RNF6: variants seen among roughly 807,000 people sequenced by gnomAD.
The protein encoded by RNF6 is ring finger protein 6, also known as E3 ubiquitin-protein ligase RNF6.
A neutral mutation model predicts 50.1 loss-of-function variants in RNF6; 21 were observed. The ratio of observed to expected loss-of-function variants is 0.42; its 90% CI spans 0.30 to 0.60. RNF6 has a LOEUF of 0.60. RNF6 is among the 20% of genes least tolerant of loss of function. The probability of loss-of-function intolerance (pLI) is 0.20; values close to 1 mark genes in which losing one functional copy is unlikely to be tolerated. For synonymous variants in RNF6, 255 were observed against 291.8 expected, an observed-to-expected ratio of 0.87 and a Z score of 1.29; for missense variants, 698 against 838.2, an observed-to-expected ratio of 0.83 and a Z score of 2.07.
At chr13:26,200,557 C>T (rs1327079673) in intron 5 of RNF6, among the ~76,000 whole-genome samples, 1 of 152,046 alleles carries the variant, frequency 6.6e-6, no homozygotes, top group Non-Finnish European at 1.5e-5. Flanking sequence ...AGGTGCCCAC[C>T]ACCACACCAG....
downstream of RNF6, among the ~76,000 whole-genome samples, chr13:26,208,273 C>CT (rs1278875694): frequency 7.2e-5 from 11 of 152,174 alleles, no homozygotes; most frequent in Non-Finnish European, 7.3e-5. Context: ...ACGCTGAACA[C>CT]TTGCTTTCCT....
chr13:26,200,895 A>C (rs7338440), intron 5 of RNF6, among the ~76,000 whole-genome samples: 44,473 of 152,124 alleles, frequency 0.29, 6,773 homozygotes, highest in Middle Eastern at 0.36. Context: ...GAGTTCAGCA[A>C]GACTCAAAGT....
chr13:26,195,476 T>C (rs937628311), intron 5 of RNF6, among the ~76,000 whole-genome samples: 5 of 151,980 alleles, frequency 3.3e-5, no homozygotes, highest in African/African-American at 1.2e-4. Context: ...AAGAAATATT[T>C]GAAACAATAA....
At chr13:26,140,049 CA>C (rs1870857333) in intron 5 of RNF6, among the ~76,000 whole-genome samples, 1 of 152,110 alleles carries the variant, frequency 6.6e-6, no homozygotes, top group Admixed American at 6.6e-5. Flanking sequence ...ACTGACTTTG[CA>C]AAATATGTCT....
At chr13:26,150,509 T>C (rs1435847216) in intron 5 of RNF6, among the ~76,000 whole-genome samples, 1 of 152,116 alleles carries the variant, frequency 6.6e-6, no homozygotes, top group Non-Finnish European at 1.5e-5. Flanking sequence ...GCAGCACAAT[T>C]TGTGTGTGCA....
intron 5 of RNF6, among the ~76,000 whole-genome samples, chr13:26,154,401 G>T (rs1566411626): frequency 6.6e-6 from 1 of 152,344 alleles, no homozygotes; most frequent in South Asian, 2.1e-4. Context: ...CAGGAACTAA[G>T]TAGTATGTGT....
intron 5 of RNF6, among the ~76,000 whole-genome samples, chr13:26,196,084 A>G (rs548654392): frequency 2.6e-5 from 4 of 152,234 alleles, no homozygotes; most frequent in Non-Finnish European, 4.4e-5. Context: ...AAACTTACAG[A>G]TCCCAAAAGT....
intron 5 of RNF6, among the ~76,000 whole-genome samples, chr13:26,181,537 G>T (rs867606592): frequency 2.0e-5 from 3 of 152,172 alleles, no homozygotes; most frequent in Non-Finnish European, 2.9e-5. Context: ...AAATGTCCAC[G>T]TCCAGTCTCA....
intron 5 of RNF6, among the ~76,000 whole-genome samples, chr13:26,137,293 T>C (rs1395735280): frequency 6.6e-6 from 1 of 151,918 alleles, no homozygotes. Context: ...AAATAATAGA[T>C]TAACTAAAGA....
intron 3 of RNF6, among the ~76,000 whole-genome samples, chr13:26,218,844 T>G (rs1870170688): frequency 6.6e-6 from 1 of 152,208 alleles, no homozygotes; most frequent in Admixed American, 6.5e-5. Flanking sequence ...ATTTGAATAG[T>G]TGGTAAAGTG....
chr13:26,191,331 T>A (rs759487737), intron 5 of RNF6, among the ~76,000 whole-genome samples: 50 of 152,294 alleles, frequency 3.3e-4, no homozygotes, highest in Non-Finnish European at 3.2e-4. Context: ...CCTGTTCAAG[T>A]TGCTGTGGAT....
chr13:26,163,779 T>C (rs1872323355), intron 5 of RNF6, among the ~76,000 whole-genome samples: 1 of 152,226 alleles, frequency 6.6e-6, no homozygotes, highest in Non-Finnish European at 1.5e-5. Flanking sequence ...AACTAGAGGC[T>C]CTGGGTACTA....
chr13:26,179,577 C>T (rs570903321), intron 5 of RNF6, among the ~76,000 whole-genome samples: 11 of 152,174 alleles, frequency 7.2e-5, no homozygotes, highest in South Asian at 4.1e-4. Flanking sequence ...CACGGCTCTG[C>T]ATTCTCAGCA....
In RNF6 at chr13:26,214,026, T is replaced by C. The variant is rs768647211; in HGVS notation, c.1856A>G (p.Tyr619Cys). The change falls in exon 5 of 5, where the codon TAT becomes TGT. Residue 619 changes from tyrosine (Y) to cysteine (C), a missense_variant. By Grantham distance (194) the Tyr-to-Cys change is radical. Coordinates refer to ENST00000381588, the MANE Select transcript of RNF6 (RefSeq NM_005977.4). ...EQIDNLSTRH[Y>C]EHNSIDSELG... is the part of the protein sequence containing the mutation. ...TTCACTATCAATACTGTTATGCTCATAGTGCCTGGTGGAAAGATTGTCAAT... is the reference window on the plus strand; with the variant it reads ...TTCACTATCAATACTGTTATGCTCACAGTGCCTGGTGGAAAGATTGTCAAT... The C allele has an allele frequency of 3.1e-6, 5 of 1,614,238 alleles. No homozygotes were observed. The highest frequency in any genetic ancestry group is 4.2e-6 in the Non-Finnish European group (5 of 1,180,030).
rs746955531 is a variant in RNF6 at position 26,177,167 on chromosome 13, C to T, written n.768+38307G>A. Among the ~76,000 whole-genome samples the T allele has an allele frequency of 2.2e-4, 33 of 152,184 alleles. 1 individual carries two copies. The highest frequency in any genetic ancestry group is 2.2e-3 in the Admixed American group (33 of 15,282). The stretch of plus-strand genomic sequence containing the variant: ...TAATCTTGAACTTCTAGTTTCAGAC[C>T]TGTGAGAGAACACATCTATGATGGT... On this transcript the variant is annotated intron_variant and non_coding_transcript_variant, in intron 5 of 5. Coordinates refer to the RNF6 transcript ENST00000468480.
chr13:26,209,913 G>C (rs896580374), downstream of RNF6, among the ~76,000 whole-genome samples: 9 of 151,998 alleles, frequency 5.9e-5, no homozygotes, highest in African/African-American at 2.2e-4. Flanking sequence ...TTTTTAAAAA[G>C]GAATAAAAAA....
At chr13:26,145,584 C>G (rs1003862720) in intron 5 of RNF6, among the ~76,000 whole-genome samples, 1 of 152,166 alleles carries the variant, frequency 6.6e-6, no homozygotes. Context: ...GTGTTGGCTT[C>G]CCCTTCACCT....
chr13:26,194,631 GAACT>G, intron 5 of RNF6, among the ~76,000 whole-genome samples: 1 of 143,990 alleles, frequency 6.9e-6, no homozygotes, highest in East Asian at 2.1e-4. Context: ...TAGAGGGACA[GAACT>G]AACAGGATAT....
chr13:26,165,718 A>T (rs1480166450), intron 5 of RNF6, among the ~76,000 whole-genome samples: 2 of 152,224 alleles, frequency 1.3e-5, no homozygotes, highest in East Asian at 3.9e-4. Context: ...TTGGACTTGC[A>T]TGGGGCCTGT....
Sources: gnomAD v4.1 joint callset for allele counts (sites outside exome capture counted in the v4.1 genomes callset) on GRCh38, gnomAD v4.1.1 for gene constraint, MANE v1.5 for transcripts, NCBI Gene and HGNC (gene_info 2026-07-23, HGNC 2026-07-21) for gene names.